The following ADGRA1 variants were observed in gnomAD, a reference collection of about 807,000 sequenced individuals.
ADGRA1 encodes G-protein coupled receptor 123.
ADGRA1 carries 12 observed loss-of-function variants against 21.3 expected under a neutral mutation model. That is an observed-to-expected ratio of 0.56 (90% CI 0.36 to 0.91). The LOEUF (loss-of-function observed/expected upper bound fraction) is 0.91. ADGRA1 is among the 40% of genes least tolerant of loss of function. ADGRA1 has a pLI of 0.01. For missense variants in ADGRA1, 790 were observed against 805.6 expected, an observed-to-expected ratio of 0.98 and a Z score of 0.23; for synonymous variants, 385 against 368.8, an observed-to-expected ratio of 1.04 and a Z score of -0.50.
At chr10:133,127,353 C>G (rs1173664072) in intron 6 of ADGRA1, 22 bp downstream of exon 6, 1 of 1,557,942 alleles carries the variant, frequency 6.4e-7, no homozygotes, top group Admixed American at 1.9e-5. Context: ...GCACCCAGAA[C>G]CGGGAGCTGG....
intron 2 of ADGRA1, chr10:133,095,532 AGGCTCCTCGTCCC>A: frequency 5.7e-6 from 7 of 1,238,348 alleles, no homozygotes; most frequent in Non-Finnish European, 7.6e-6. Flanking sequence ...GCACAGGTCC[AGGCTCCTCGTCCC>A]GGGATGCAGG....
At chr10:133,097,338 C>T (rs1851705937) in intron 3 of ADGRA1, among the ~76,000 whole-genome samples, 1 of 152,234 alleles carries the variant, frequency 6.6e-6, no homozygotes, top group Admixed American at 6.5e-5. Context: ...CCGTCAGGGT[C>T]TTCTCCACGG....
Position 133,131,255 on chromosome 10 carries a change from G to A in ADGRA1, c.*1744G>A, listed in dbSNP as rs936645168. On this transcript the variant is annotated 3_prime_UTR_variant, in exon 7 of 7. Transcript: ENST00000392607. ...CAGCGTGCTCCTCCCAGCAAACCCC[G>A]TGTGTCCTTACAGGTCGACCAGACG... 3.9e-5 allele frequency: 6 copies of A among 152,224 alleles called. No individual in the cohort carries two copies. Among genetic ancestry groups the A allele is most frequent in the Admixed American group, 1.3e-4 (2 of 15,280 alleles). The allele number at this position is 152,224 out of a possible 1,614,324, so 9.4% of individuals were successfully genotyped here.
intron 2 of ADGRA1, among the ~76,000 whole-genome samples, chr10:133,090,650 G>C (rs1483764416): frequency 6.6e-6 from 1 of 152,186 alleles, no homozygotes; most frequent in Non-Finnish European, 1.5e-5. Context: ...GTCTTGAGAA[G>C]GAAGCCTGGA....
chr10:133,109,089 G>A (rs1478771583), intron 5 of ADGRA1, among the ~76,000 whole-genome samples: 1 of 108,260 alleles, frequency 9.2e-6, no homozygotes, highest in Non-Finnish European at 1.9e-5. Flanking sequence ...CCCCACCCCT[G>A]CCCCTCATAT....
chr10:133,098,620 C>G lies in ADGRA1; in HGVS notation c.132-20C>G. On this transcript the variant is annotated intron_variant, in intron 3 of 6. Transcript: ENST00000392607. ...TGCAGAGCCTCTGCTCATGTGAAAC[C>G]CTCCTTTCCCGTCCCACAGCGCCAT... 1 of 1,601,874 alleles carries G rather than the reference C, an allele frequency of 6.2e-7. No homozygotes were observed. The highest frequency in any genetic ancestry group is 8.5e-7 in the Non-Finnish European group (1 of 1,177,442).
At chr10:133,123,348 G>C (rs989184070) in intron 5 of ADGRA1, among the ~76,000 whole-genome samples, 1 of 152,224 alleles carries the variant, frequency 6.6e-6, no homozygotes, top group Non-Finnish European at 1.5e-5. Context: ...CCTCACATCA[G>C]CCCGAGCGGC....
chr10:133,119,495 A>C (rs1852217870), intron 5 of ADGRA1, among the ~76,000 whole-genome samples: 1 of 152,248 alleles, frequency 6.6e-6, no homozygotes, highest in Non-Finnish European at 1.5e-5. Flanking sequence ...CACTTTACCC[A>C]CAGTGGAACT....
In ADGRA1 at chr10:133,119,018, C is replaced by T. The variant is rs554850398; in HGVS notation, c.402-8215C>T. 5.0e-3 allele frequency among the ~76,000 whole-genome samples: 721 copies of T among 145,450 alleles called. 6 individuals carry two copies. Among genetic ancestry groups the T allele is most frequent in the South Asian group, 8.1e-3 (35 of 4,304 alleles). ...TGCACTGCACACGTGCACATTGAGG[C>T]ACTTACATGCACTCACACCACACAC... On this transcript the variant is annotated intron_variant, in intron 5 of 6. Coordinates refer to ENST00000392607, the MANE Select transcript of ADGRA1 (RefSeq NM_001083909.3).
At chr10:133,113,032 G>A (rs113603496) in intron 5 of ADGRA1, among the ~76,000 whole-genome samples, 6 of 148,452 alleles carry the variant, frequency 4.0e-5, no homozygotes, top group Admixed American at 1.3e-4. Context: ...TGCGGGCCGC[G>A]TCAGTTATTT....
At chr10:133,100,552 G>A (rs1228032090) in intron 4 of ADGRA1, among the ~76,000 whole-genome samples, 1 of 152,250 alleles carries the variant, frequency 6.6e-6, no homozygotes, top group Non-Finnish European at 1.5e-5. Context: ...GGGGTGTTGG[G>A]GCTGCAGCAG....
chr10:133,098,390 G>A (rs1046312163), intron 3 of ADGRA1, among the ~76,000 whole-genome samples: 1 of 152,190 alleles, frequency 6.6e-6, no homozygotes, highest in African/African-American at 2.4e-5. Flanking sequence ...AGGTTGTTCA[G>A]GCTTCTGCAA....
chr10:133,097,013 G>T lies in ADGRA1; in HGVS notation c.43G>T (p.Glu15Ter). The change falls in exon 3 of 7, where the codon GAG becomes TAG. Residue 15 changes from glutamate (E) to a stop codon, truncating the protein, a stop_gained. Transcript: ENST00000392607. LOFTEE classifies it high-confidence loss of function. ...GCTCTCCCTGCCCCGCTACCCAGGG[G>T]AGTTCCTGCACCCCGTGGTGTACGC... ...TVLSLPRYPG[E>*]FLHPVVYACT... The T allele has an allele frequency of 6.2e-7, 1 of 1,613,400 alleles. No homozygotes were observed. The highest frequency in any genetic ancestry group is 8.5e-7 in the Non-Finnish European group (1 of 1,179,984).
chr10:133,116,676 C>G (rs1003867344), intron 5 of ADGRA1, among the ~76,000 whole-genome samples: 2 of 152,088 alleles, frequency 1.3e-5, no homozygotes, highest in Non-Finnish European at 2.9e-5. Flanking sequence ...GAGGGCCCCC[C>G]TTCCTCAGTG....
chr10:133,125,649 T>C (rs1852363777), intron 5 of ADGRA1, among the ~76,000 whole-genome samples: 1 of 152,084 alleles, frequency 6.6e-6, no homozygotes, highest in Admixed American at 6.5e-5. Flanking sequence ...CAGGATGGTC[T>C]CGGTCTCCTG....
intron 5 of ADGRA1, among the ~76,000 whole-genome samples, chr10:133,120,180 G>C (rs1852228898): frequency 6.6e-6 from 1 of 152,218 alleles, no homozygotes. Flanking sequence ...GAGGCAGGCA[G>C]ATTACCTGAG....
intron 2 of ADGRA1, among the ~76,000 whole-genome samples, chr10:133,091,615 C>T (rs942117413): frequency 2.6e-5 from 4 of 152,188 alleles, no homozygotes; most frequent in Non-Finnish European, 5.9e-5. Flanking sequence ...CAACCGAGCC[C>T]CTTCCAGCTC....
At chr10:133,092,977 C>A in intron 2 of ADGRA1, 1 of 1,589,102 alleles carries the variant, frequency 6.3e-7, no homozygotes, top group Non-Finnish European at 8.5e-7. Flanking sequence ...GCAGACCTGG[C>A]CCCGGACACC....
At chr10:133,093,850 A>G (rs1199623348) in intron 2 of ADGRA1, among the ~76,000 whole-genome samples, 1 of 152,278 alleles carries the variant, frequency 6.6e-6, no homozygotes, top group East Asian at 1.9e-4. Context: ...GAATCGGTGC[A>G]TGTGCAAACT....
Sources: allele counts gnomAD v4.1 joint callset (sites outside exome capture counted in the v4.1 genomes callset), GRCh38; gene constraint gnomAD v4.1.1; transcripts MANE v1.5; gene names NCBI Gene and HGNC (gene_info 2026-07-23, HGNC 2026-07-21).